Variants in SLC24A2 observed in about 807,000 individuals in gnomAD.
SLC24A2 encodes the protein sodium/potassium/calcium exchanger 2.
Under a neutral mutation model 62.0 loss-of-function variants are expected in SLC24A2, and 36 were observed. The ratio of observed to expected loss-of-function variants is 0.58; its 90% confidence interval spans 0.44 to 0.77. The LOEUF (loss-of-function observed/expected upper bound fraction) is 0.77, where lower values mean the gene tolerates loss of function less well. SLC24A2 is among the 30% of genes least tolerant of loss of function. SLC24A2 has a pLI of 0.00. For synonymous variants in SLC24A2, 358 were observed against 294.0 expected (o/e 1.22, Z -2.23); for missense variants, 846 against 817.9 (o/e 1.03, Z -0.42).
At chr9:19,788,461 T>C in intron 1 of SLC24A2, 1 of 976,142 alleles carries the variant, frequency 1.0e-6, no homozygotes, top group Non-Finnish European at 1.2e-6. Context: ...CGCCCCAACT[T>C]TGCCTTGCGT....
At chr9:19,635,125 G>C (rs1056504297) in intron 2 of SLC24A2, among the ~76,000 whole-genome samples, 1 of 152,200 alleles carries the variant, frequency 6.6e-6, no homozygotes, top group African/African-American at 2.4e-5. Context: ...GAAAAGATGT[G>C]CTCTGGAAGT....
the SLC24A2 span, among the ~76,000 whole-genome samples, chr9:20,064,721 C>T: frequency 1.3e-5 from 2 of 152,146 alleles, no homozygotes; most frequent in African/African-American, 4.8e-5. Flanking sequence ...TCTTGGCCAA[C>T]TGACATCTCA....
chr9:19,826,095 C>A, the SLC24A2 span, among the ~76,000 whole-genome samples: 1 of 147,242 alleles, frequency 6.8e-6, no homozygotes, highest in Non-Finnish European at 1.5e-5. Flanking sequence ...TGCAATTAAA[C>A]CAGGGAAAAT....
At chr9:19,747,598 G>A (rs1383203786) in intron 2 of SLC24A2, among the ~76,000 whole-genome samples, 2 of 152,140 alleles carry the variant, frequency 1.3e-5, no homozygotes, top group Non-Finnish European at 2.9e-5. Flanking sequence ...ATATCACTTT[G>A]CCTTTCAAGA....
the SLC24A2 span, among the ~76,000 whole-genome samples, chr9:19,816,967 C>A: frequency 1.3e-5 from 2 of 152,148 alleles, no homozygotes; most frequent in South Asian, 4.1e-4. Flanking sequence ...TGATGTACCA[C>A]AGCATGTAGC....
the SLC24A2 span, among the ~76,000 whole-genome samples, chr9:19,892,221 C>T: frequency 1.9e-4 from 29 of 152,306 alleles, no homozygotes; most frequent in Middle Eastern, 6.8e-3. Context: ...TACTAAACAA[C>T]CTGCTTTCTC....
At chr9:19,866,121 G>T in the SLC24A2 span, among the ~76,000 whole-genome samples, 6 of 152,142 alleles carry the variant, frequency 3.9e-5, no homozygotes, top group African/African-American at 1.2e-4. Context: ...TTAAACATCA[G>T]AGAAATGAAA....
At chr9:20,097,541 G>C in the SLC24A2 span, among the ~76,000 whole-genome samples, 3 of 151,844 alleles carry the variant, frequency 2.0e-5, no homozygotes, top group South Asian at 2.1e-4. Context: ...CAGTCTCTAA[G>C]TTCTTATAAC....
chr9:19,695,187 T>A lies in SLC24A2; in HGVS notation c.931-72888A>T, dbSNP rs556921171. On this transcript the variant is annotated intron_variant, in intron 2 of 10. Transcript: ENST00000341998. ...AGGCTAGGGAAGCTGCTAAACATCCTATAATGCAAAGAACAACAAAACAGC... is the reference window on the plus strand; with the variant it reads ...AGGCTAGGGAAGCTGCTAAACATCCAATAATGCAAAGAACAACAAAACAGC... 1.3e-5 allele frequency among the ~76,000 whole-genome samples: 2 copies of A among 152,190 alleles called. 1 individual carries two copies. The highest frequency in any genetic ancestry group is 1.3e-4 in the Admixed American group (2 of 15,278).
upstream of SLC24A2, among the ~76,000 whole-genome samples, chr9:19,789,410 T>A (rs1037292447): frequency 6.6e-6 from 1 of 152,168 alleles, no homozygotes. Context: ...GGCGATGTGA[T>A]GTGTAATGGT....
chr9:19,664,043 G>A (rs1345139380), intron 2 of SLC24A2, among the ~76,000 whole-genome samples: 1 of 152,220 alleles, frequency 6.6e-6, no homozygotes, highest in Non-Finnish European at 1.5e-5. Flanking sequence ...GGTCATGACC[G>A]TGTAGGGAAC....
the SLC24A2 span, among the ~76,000 whole-genome samples, chr9:20,041,688 G>A: frequency 1.3e-5 from 2 of 152,232 alleles, no homozygotes; most frequent in South Asian, 2.1e-4. Context: ...TTTGATAGGA[G>A]GTCTGCTCAA....
chr9:20,143,401 C>T, the SLC24A2 span, among the ~76,000 whole-genome samples: 1 of 152,192 alleles, frequency 6.6e-6, no homozygotes, highest in Non-Finnish European at 1.5e-5. Flanking sequence ...TGCTGCAAAG[C>T]TATTTGCCCT....
At chr9:20,113,951 G>A in the SLC24A2 span, among the ~76,000 whole-genome samples, 13 of 152,090 alleles carry the variant, frequency 8.5e-5, no homozygotes, top group Non-Finnish European at 1.0e-4. Flanking sequence ...CTGAGAGAGG[G>A]GAAACAAATG....
At chr9:19,803,350 G>T in the SLC24A2 span, among the ~76,000 whole-genome samples, 5 of 152,188 alleles carry the variant, frequency 3.3e-5, no homozygotes, top group Admixed American at 1.3e-4. Flanking sequence ...ATTGAAAATT[G>T]CTCTTTTGTT....
rs572503602 is a variant in SLC24A2 at position 19,720,203 on chromosome 9, T to C, written c.930+65734A>G. On this transcript the variant is annotated intron_variant, in intron 2 of 10. Coordinates refer to ENST00000341998, the MANE Select transcript of SLC24A2 (RefSeq NM_020344.4). ...TCTTTGCTATATTGCCTTTTTTCTA[T>C]TAAAAATTTAAATTTGTAATTTATT... is the stretch of plus-strand genomic sequence containing the variant. 2.0e-5 allele frequency among the ~76,000 whole-genome samples: 3 copies of C among 152,332 alleles called. No homozygotes were observed. In the East Asian group the frequency reaches 5.8e-4, roughly 29 times the overall value.
chr9:19,526,447 A>G (rs1266893467), intron 9 of SLC24A2, among the ~76,000 whole-genome samples: 1 of 152,180 alleles, frequency 6.6e-6, no homozygotes, highest in Non-Finnish European at 1.5e-5. Flanking sequence ...AAGTGGCTGC[A>G]CTGTTTTACA....
chr9:20,160,622 C>T, the SLC24A2 span, among the ~76,000 whole-genome samples: 27 of 150,800 alleles, frequency 1.8e-4, no homozygotes, highest in Non-Finnish European at 3.9e-4. Flanking sequence ...ATCAAAAAAA[C>T]CATTTCATGT....
the SLC24A2 span, among the ~76,000 whole-genome samples, chr9:20,143,415 GA>G: frequency 6.6e-6 from 1 of 152,194 alleles, no homozygotes; most frequent in South Asian, 2.1e-4. Context: ...TTGCCCTAGG[GA>G]AAAAAATAGA....
Sources: allele counts gnomAD v4.1 joint callset (sites outside exome capture counted in the v4.1 genomes callset), GRCh38; gene constraint gnomAD v4.1.1; transcripts MANE v1.5; gene names NCBI Gene and HGNC (gene_info 2026-07-23, HGNC 2026-07-21).